The following MARCHF1 variants were observed in gnomAD, a reference collection of about 807,000 sequenced individuals.
MARCHF1 encodes the protein E3 ubiquitin-protein ligase MARCHF1.
A neutral mutation model predicts 54.2 loss-of-function variants in MARCHF1; 40 were observed. The ratio of observed to expected loss-of-function variants is 0.74; its 90% CI spans 0.57 to 0.96. MARCHF1 has a LOEUF of 0.96. Among genes scored for constraint, MARCHF1 ranks in the 40% least tolerant of loss-of-function variants. MARCHF1 has a pLI of 0.00. For synonymous variants in MARCHF1, 236 were observed against 236.3 expected (o/e 1.00, Z 0.01); for missense variants, 586 against 656.5 (o/e 0.89, Z 1.17).
At chr4:164,028,586 C>T (rs142585595) in intron 2 of MARCHF1, among the ~76,000 whole-genome samples, 4 of 152,098 alleles carry the variant, frequency 2.6e-5, no homozygotes, top group East Asian at 1.9e-4. Flanking sequence ...GGTAGGGAAA[C>T]GAGGAGGGAG....
chr4:163,556,730 TA>T (rs34380220), intron 8 of MARCHF1, among the ~76,000 whole-genome samples: 1 of 152,102 alleles, frequency 6.6e-6, no homozygotes, highest in African/African-American at 2.4e-5. Context: ...AATAATACTT[TA>T]AAAAATAGTG....
At chr4:163,662,482 G>T (rs1040789640) in intron 5 of MARCHF1, among the ~76,000 whole-genome samples, 1 of 151,210 alleles carries the variant, frequency 6.6e-6, no homozygotes, top group Non-Finnish European at 1.5e-5. Flanking sequence ...TTTTATTTCT[G>T]CTCTCATATT....
intron 1 of MARCHF1, among the ~76,000 whole-genome samples, chr4:164,126,497 G>T (rs1756182755): frequency 6.6e-6 from 1 of 152,172 alleles, no homozygotes; most frequent in South Asian, 2.1e-4. Context: ...AAATTGGTAT[G>T]GAGAAGTGGC....
intron 3 of MARCHF1, among the ~76,000 whole-genome samples, chr4:163,927,850 T>C (rs1751569534): frequency 6.6e-6 from 1 of 151,884 alleles, no homozygotes; most frequent in African/African-American, 2.4e-5. Context: ...ATTTAACATG[T>C]ACACTCACAC....
In MARCHF1 at chr4:163,975,164, GCTCTCTCTCTCT is replaced by G. The variant is rs55675178; in HGVS notation, c.-39+13325_-39+13336del. The stretch of plus-strand genomic sequence containing the variant: ...ACATAAGCCAATTTCTCATAATAAA[GCTCTCTCTCTCT>G]CTCTCTCTCTCTCTCTCTCTCACAC... On this transcript the variant is annotated intron_variant, in intron 3 of 9. Coordinates refer to ENST00000514618, the MANE Select transcript of MARCHF1 (RefSeq NM_001394959.1). Among the ~76,000 whole-genome samples the G allele has an allele frequency of 8.8e-3, 1,116 of 127,168 alleles. 14 individuals carry two copies. Among genetic ancestry groups the G allele is most frequent in the African/African-American group, 0.031 (1,058 of 34,278 alleles). 83.4% of individuals were successfully genotyped at this position (127,168 alleles called of 152,430 possible). A position where few individuals can be genotyped will look rare whatever the true frequency, so the allele number is the denominator to read the frequency against.
chr4:163,719,101 T>C (rs1453078929), intron 4 of MARCHF1, among the ~76,000 whole-genome samples: 1 of 152,194 alleles, frequency 6.6e-6, no homozygotes, highest in Non-Finnish European at 1.5e-5. Flanking sequence ...TACATACGTA[T>C]ACATGGGCCA....
At chr4:164,241,396 G>A (rs937887709) in intron 1 of MARCHF1, among the ~76,000 whole-genome samples, 9 of 152,008 alleles carry the variant, frequency 5.9e-5, no homozygotes, top group African/African-American at 1.9e-4. Flanking sequence ...TTGGCCCAGC[G>A]ATCACTCAGC....
chr4:164,114,500 A>G (rs1205322275), intron 1 of MARCHF1, among the ~76,000 whole-genome samples: 1 of 151,764 alleles, frequency 6.6e-6, no homozygotes, highest in African/African-American at 2.4e-5. Flanking sequence ...CCCATTCTTT[A>G]AATGACAGGA....
At chr4:163,590,369 T>C (rs760243326) in intron 7 of MARCHF1, among the ~76,000 whole-genome samples, 4 of 152,114 alleles carry the variant, frequency 2.6e-5, no homozygotes, top group African/African-American at 4.8e-5. Context: ...GTTTTTGCTA[T>C]ATGCAAAGAA....
At chr4:163,974,706 T>A (rs1321139564) in intron 3 of MARCHF1, among the ~76,000 whole-genome samples, 1 of 152,144 alleles carries the variant, frequency 6.6e-6, no homozygotes, top group Admixed American at 6.5e-5. Flanking sequence ...ACCCAAAACA[T>A]CTGCCCTGGC....
intron 3 of MARCHF1, among the ~76,000 whole-genome samples, chr4:163,987,230 A>T (rs936110687): frequency 6.6e-6 from 1 of 152,210 alleles, no homozygotes. Flanking sequence ...TTCTTTACAA[A>T]GATTTTTAAT....
At chr4:163,554,629 T>C (rs1739224454) in intron 8 of MARCHF1, among the ~76,000 whole-genome samples, 1 of 152,172 alleles carries the variant, frequency 6.6e-6, no homozygotes, top group East Asian at 1.9e-4. Flanking sequence ...TGCCTCAGTT[T>C]TCTCATTGGT....
At chr4:163,683,020 A>AT (rs952521186) in intron 5 of MARCHF1, among the ~76,000 whole-genome samples, 9 of 152,300 alleles carry the variant, frequency 5.9e-5, no homozygotes, top group Non-Finnish European at 1.3e-4. Context: ...TATTTTGATA[A>AT]TTTTTTGACA....
At chr4:163,718,303 G>C (rs1336453444) in intron 4 of MARCHF1, among the ~76,000 whole-genome samples, 1 of 152,150 alleles carries the variant, frequency 6.6e-6, no homozygotes, top group African/African-American at 2.4e-5. Context: ...ATTGACAAAT[G>C]GGATCTAATT....
At chr4:163,610,539 T>C (rs1044613155) in intron 7 of MARCHF1, among the ~76,000 whole-genome samples, 10 of 152,122 alleles carry the variant, frequency 6.6e-5, no homozygotes, top group East Asian at 1.9e-4. Flanking sequence ...ACTAGCTTCT[T>C]TGACTGTCTT....
chr4:164,172,557 C>A (rs1436798911), intron 1 of MARCHF1, among the ~76,000 whole-genome samples: 1 of 151,918 alleles, frequency 6.6e-6, no homozygotes, highest in Admixed American at 6.6e-5. Flanking sequence ...CACAAGAATT[C>A]TTTTAAAGAA....
intron 1 of MARCHF1, among the ~76,000 whole-genome samples, chr4:164,302,473 C>A (rs975944704): frequency 5.9e-5 from 9 of 151,996 alleles, no homozygotes; most frequent in African/African-American, 2.2e-4. Flanking sequence ...TCTTTACTAA[C>A]CCCGGGGTCA....
At chr4:164,165,714 A>T (rs1315734496) in intron 1 of MARCHF1, among the ~76,000 whole-genome samples, 1 of 152,024 alleles carries the variant, frequency 6.6e-6, no homozygotes, top group Non-Finnish European at 1.5e-5. Flanking sequence ...TGCATTTTAG[A>T]TTAATACTGG....
intron 4 of MARCHF1, among the ~76,000 whole-genome samples, chr4:163,798,935 A>G (rs1428866114): frequency 6.6e-6 from 1 of 152,090 alleles, no homozygotes; most frequent in African/African-American, 2.4e-5. Flanking sequence ...GGCACTGTCC[A>G]TGCATATTAT....
Sources: gnomAD v4.1 joint callset for allele counts (sites outside exome capture counted in the v4.1 genomes callset) on GRCh38, gnomAD v4.1.1 for gene constraint, MANE v1.5 for transcripts, NCBI Gene and HGNC (gene_info 2026-07-23, HGNC 2026-07-21) for gene names.